Variants in DNAJC1 observed in about 807,000 individuals in gnomAD.
DNAJC1 encodes the protein dnaJ homolog subfamily C member 1.
DNAJC1 carries 58 observed loss-of-function variants against 76.6 expected under a neutral mutation model. The observed-to-expected ratio is 0.76, with a 90% CI of 0.61 to 0.94. DNAJC1 has a LOEUF of 0.94. Among genes scored for constraint, DNAJC1 ranks in the 40% least tolerant of loss-of-function variants. The pLI, the probability that DNAJC1 is intolerant of heterozygous loss-of-function variation, is 0.00. For synonymous variants in DNAJC1, 258 were observed against 267.9 expected (o/e 0.96, Z 0.36); for missense variants, 689 against 677.3 (o/e 1.02, Z -0.19).
intron 8 of DNAJC1, among the ~76,000 whole-genome samples, chr10:21,881,801 C>T (rs906338797): frequency 6.2e-5 from 9 of 145,836 alleles, no homozygotes; most frequent in Admixed American, 1.4e-4. Flanking sequence ...AAATGGTGCC[C>T]GTAAACTTGC....
chr10:21,957,605 T>C (rs902146660), intron 1 of DNAJC1, among the ~76,000 whole-genome samples: 4 of 152,230 alleles, frequency 2.6e-5, no homozygotes, highest in African/African-American at 9.6e-5. Context: ...ACATTTTTCA[T>C]GTGTTTACTT....
intron 1 of DNAJC1, among the ~76,000 whole-genome samples, chr10:21,962,937 A>G (rs578080057): frequency 2.6e-5 from 4 of 152,216 alleles, no homozygotes; most frequent in African/African-American, 9.6e-5. Flanking sequence ...TTTTAAAATA[A>G]TATGGTTTAA....
In DNAJC1 at chr10:21,904,218, C is replaced by A. The variant is rs191580163; in HGVS notation, c.820+304G>T. 4.8e-3 allele frequency among the ~76,000 whole-genome samples: 738 copies of A among 152,226 alleles called. 2 individuals carry two copies. The highest frequency in any genetic ancestry group is 8.5e-3 in the Non-Finnish European group (577 of 68,008). Reference sequence around the variant, plus strand: ...TGGTTAAACTAGCACTAAATATCAACTGTAATTATAGTACTGAAGTATTTT... The same window carrying A: ...TGGTTAAACTAGCACTAAATATCAAATGTAATTATAGTACTGAAGTATTTT... On this transcript the variant is annotated intron_variant, in intron 7 of 11. Coordinates refer to ENST00000376980, the MANE Select transcript of DNAJC1 (RefSeq NM_022365.4).
chr10:21,953,933 C>T (rs988518347), intron 1 of DNAJC1, among the ~76,000 whole-genome samples: 1 of 150,314 alleles, frequency 6.7e-6, no homozygotes, highest in Admixed American at 6.6e-5. Context: ...TCTGTTTAAC[C>T]TTTGCTATTT....
intron 1 of DNAJC1, among the ~76,000 whole-genome samples, chr10:21,948,202 T>G (rs551418790): frequency 3.6e-4 from 55 of 151,412 alleles, no homozygotes; most frequent in African/African-American, 1.1e-3. Flanking sequence ...GTGATTCTCC[T>G]GCCTCAGCCT....
At chr10:21,779,469 A>T (rs1564785572) in intron 9 of DNAJC1, among the ~76,000 whole-genome samples, 1 of 152,212 alleles carries the variant, frequency 6.6e-6, no homozygotes, top group Non-Finnish European at 1.5e-5. Context: ...TCTGCTGGTG[A>T]TACCCAGGCA....
intron 10 of DNAJC1, among the ~76,000 whole-genome samples, chr10:21,762,809 G>A (rs1834257048): frequency 6.6e-6 from 1 of 152,162 alleles, no homozygotes; most frequent in Admixed American, 6.5e-5. Flanking sequence ...TTGTTTGAAA[G>A]ATTTACAGGT....
In DNAJC1 at chr10:21,882,284, G is replaced by GT. The variant is rs1233931895; in HGVS notation, c.975dup (p.Gln326ThrfsTer4). 4 of 1,589,146 alleles carry GT rather than the reference G, an allele frequency of 2.5e-6. No individual in the cohort carries two copies. Among genetic ancestry groups the GT allele is most frequent in the South Asian group, 1.2e-5 (1 of 85,124 alleles). ...CAAGTTTTATAAAGCTTATTTACCT[G>GT]TTTTTTCTGTGTTCGGTTCCTGTTT... On this transcript the variant is annotated frameshift_variant, in exon 8 of 12. Coordinates refer to ENST00000376980, the MANE Select transcript of DNAJC1 (RefSeq NM_022365.4). LOFTEE classifies it high-confidence loss of function.
intron 8 of DNAJC1, among the ~76,000 whole-genome samples, chr10:21,848,734 C>A (rs186210301): frequency 6.6e-5 from 10 of 152,222 alleles, no homozygotes; most frequent in Admixed American, 6.5e-4. Context: ...ATGTATCAAG[C>A]CACAAAACAA....
chr10:21,886,949 C>T (rs1005128979), intron 7 of DNAJC1, among the ~76,000 whole-genome samples: 2 of 152,132 alleles, frequency 1.3e-5, no homozygotes, highest in African/African-American at 4.8e-5. Context: ...GGAAGCCAAA[C>T]TGTCCCTGTT....
At chr10:21,797,213 C>T (rs1589984173) in intron 9 of DNAJC1, among the ~76,000 whole-genome samples, 2 of 151,996 alleles carry the variant, frequency 1.3e-5, no homozygotes, top group East Asian at 3.8e-4. Context: ...CCTTTCTTTC[C>T]CCATATGTAT....
At chr10:21,825,157 C>A (rs1835227381) in intron 8 of DNAJC1, among the ~76,000 whole-genome samples, 1 of 152,200 alleles carries the variant, frequency 6.6e-6, no homozygotes, top group Non-Finnish European at 1.5e-5. Flanking sequence ...GCCATCACCA[C>A]TGTCCATCTC....
At chr10:21,763,944 G>A (rs561325189) in intron 10 of DNAJC1, among the ~76,000 whole-genome samples, 1 of 152,304 alleles carries the variant, frequency 6.6e-6, no homozygotes, top group South Asian at 2.1e-4. Context: ...TGGGCACAGT[G>A]AGGGTGCTGG....
intron 9 of DNAJC1, among the ~76,000 whole-genome samples, chr10:21,802,178 G>A (rs1221706635): frequency 6.6e-6 from 1 of 152,078 alleles, no homozygotes; most frequent in Non-Finnish European, 1.5e-5. Flanking sequence ...GGAAGGGAGA[G>A]GAGTATGAGA....
At chr10:21,766,165 C>G in intron 10 of DNAJC1, 96 bp downstream of exon 10, 2 of 1,003,970 alleles carry the variant, frequency 2.0e-6, no homozygotes, top group Non-Finnish European at 3.1e-6. Flanking sequence ...TTAGGCAAAA[C>G]TTCTAGACCC....
chr10:21,949,773 A>C (rs148174069), intron 1 of DNAJC1, among the ~76,000 whole-genome samples: 40 of 152,012 alleles, frequency 2.6e-4, no homozygotes, highest in Non-Finnish European at 4.7e-4. Flanking sequence ...AAACCTTTGG[A>C]GTTAACTTGG....
intron 7 of DNAJC1, among the ~76,000 whole-genome samples, chr10:21,888,581 G>T (rs1590034217): frequency 6.6e-6 from 1 of 152,154 alleles, no homozygotes; most frequent in African/African-American, 2.4e-5. Context: ...ATACACCATG[G>T]AATACTATGC....
intron 9 of DNAJC1, among the ~76,000 whole-genome samples, chr10:21,799,599 T>G (rs1834790079): frequency 6.6e-6 from 1 of 152,122 alleles, no homozygotes; most frequent in Non-Finnish European, 1.5e-5. Flanking sequence ...TGCTGCACTT[T>G]GCCTTTTTTT....
At chr10:21,880,530 T>C (rs570193970) in intron 8 of DNAJC1, among the ~76,000 whole-genome samples, 22 of 152,292 alleles carry the variant, frequency 1.4e-4, no homozygotes, top group African/African-American at 4.8e-4. Flanking sequence ...TATGGGCATA[T>C]AGACAATGTT....
Sources: gnomAD v4.1 joint callset for allele counts (sites outside exome capture counted in the v4.1 genomes callset) on GRCh38, gnomAD v4.1.1 for gene constraint, MANE v1.5 for transcripts, NCBI Gene and HGNC (gene_info 2026-07-23, HGNC 2026-07-21) for gene names.